The following KYAT1 variants were observed in gnomAD, a reference collection of about 807,000 sequenced individuals.
KYAT1 encodes kynurenine--oxoglutarate transaminase 1.
KYAT1 carries 47 observed loss-of-function variants against 52.4 expected under a neutral mutation model. The ratio of observed to expected loss-of-function variants is 0.90; its 90% CI spans 0.71 to 1.14. The LOEUF (loss-of-function observed/expected upper bound fraction) is 1.14. Ranked by LOEUF, KYAT1 falls within the 50% of genes most tolerant of loss-of-function variation. The pLI, the probability that KYAT1 is intolerant of heterozygous loss-of-function variation, is 0.00. For missense variants in KYAT1, 480 were observed against 557.9 expected, an observed-to-expected ratio of 0.86 and a Z score of 1.41; for synonymous variants, 212 against 209.6, an observed-to-expected ratio of 1.01 and a Z score of -0.10.
At chr9:128,861,177 G>T (rs967201661) in intron 1 of KYAT1, among the ~76,000 whole-genome samples, 20 of 152,190 alleles carry the variant, frequency 1.3e-4, no homozygotes, top group Admixed American at 1.2e-3. Flanking sequence ...TCAAATCCAA[G>T]GTGATGGGGT....
chr9:128,878,538 GA>G (rs1230653449), intron 1 of KYAT1, among the ~76,000 whole-genome samples: 3 of 151,572 alleles, frequency 2.0e-5, no homozygotes, highest in Admixed American at 6.6e-5. Context: ...TTTTTTGATA[GA>G]AAAAAAACAG....
chr9:128,864,090 C>T (rs571908206), intron 1 of KYAT1, among the ~76,000 whole-genome samples: 1 of 151,800 alleles, frequency 6.6e-6, no homozygotes, highest in East Asian at 1.9e-4. Flanking sequence ...AGGCCGGGCG[C>T]GGTGGCTCAC....
intron 1 of KYAT1, among the ~76,000 whole-genome samples, chr9:128,868,656 T>C (rs997775731): frequency 2.6e-5 from 4 of 151,930 alleles, no homozygotes; most frequent in African/African-American, 9.7e-5. Flanking sequence ...CCTGCCTCAA[T>C]TTCCTGAGTA....
intron 1 of KYAT1, among the ~76,000 whole-genome samples, chr9:128,864,151 A>G (rs1203116964): frequency 1.3e-5 from 2 of 152,028 alleles, no homozygotes; most frequent in Non-Finnish European, 2.9e-5. Flanking sequence ...TCACAATGTC[A>G]GGAGATCGAG....
chr9:128,864,297 C>T (rs911405571), intron 1 of KYAT1, among the ~76,000 whole-genome samples: 7 of 137,414 alleles, frequency 5.1e-5, no homozygotes, highest in African/African-American at 1.4e-4. Flanking sequence ...ACCCGGGAGG[C>T]GAAGATTGTA....
rs752762440 is a variant in KYAT1 at position 128,833,662 on chromosome 9, G to C, written c.1210-19C>G. 2 of 1,614,038 alleles carry C rather than the reference G, an allele frequency of 1.2e-6. No homozygotes were observed. Among genetic ancestry groups the C allele is most frequent in the African/African-American group, 2.7e-5 (2 of 74,936 alleles). On this transcript the variant is annotated intron_variant, in intron 12 of 12. Coordinates refer to ENST00000302586, the MANE Select transcript of KYAT1 (RefSeq NM_004059.5). ...CTTCATCCTGCGCCAGCACAGATTA[G>C]TCCTACACTCTCCCCATGTGCCCAG...
intron 1 of KYAT1, among the ~76,000 whole-genome samples, chr9:128,864,852 G>A (rs182465090): frequency 3.0e-4 from 45 of 151,780 alleles, no homozygotes; most frequent in Admixed American, 2.9e-3. Flanking sequence ...CAAGTGATCC[G>A]CCTGCCTAGG....
rs551966843 is a variant in KYAT1, at chr9:128,866,253, AC to A, written c.-7+15643del. The stretch of plus-strand genomic sequence containing the variant: ...TATTTGTATAAATCGACAACAAAAG[AC>A]CAGCATCTCAATAAGAAAAAGTGTG... On this transcript the variant is annotated intron_variant, in intron 1 of 12. Transcript: ENST00000302586. Among the ~76,000 whole-genome samples the A allele has an allele frequency of 5.3e-5, 8 of 152,296 alleles. No individual in the cohort carries two copies. The South Asian group carries it at 1.7e-3, about 32-fold the overall frequency.
intron 1 of KYAT1, among the ~76,000 whole-genome samples, chr9:128,861,201 C>T: frequency 6.6e-6 from 1 of 152,316 alleles, no homozygotes; most frequent in African/African-American, 2.4e-5. Flanking sequence ...GCTGTGTCCC[C>T]ACCCAAATCT....
chr9:128,879,991 G>C (rs971047895), intron 1 of KYAT1, among the ~76,000 whole-genome samples: 5 of 152,130 alleles, frequency 3.3e-5, no homozygotes, highest in Admixed American at 1.3e-4. Context: ...GCCTTCCTAG[G>C]GAGGGAGGGA....
chr9:128,867,283 C>T (rs1339732197), intron 1 of KYAT1, among the ~76,000 whole-genome samples: 1 of 152,144 alleles, frequency 6.6e-6, no homozygotes, highest in African/African-American at 2.4e-5. Context: ...GGGCTCAAGC[C>T]ATCCTCCCAC....
At chr9:128,835,148 A>AG in intron 11 of KYAT1, 175 bp downstream of exon 11, 1 of 643,534 alleles carries the variant, frequency 1.6e-6, no homozygotes, top group Admixed American at 2.7e-5. Flanking sequence ...CAAAAAAAAA[A>AG]AAGAAAGAAA....
chr9:128,845,642 A>G (rs2259043), intron 1 of KYAT1: 345,144 of 536,428 alleles, frequency 0.64, 118,930 homozygotes, highest in Non-Finnish European at 0.71. Flanking sequence ...CACCTCCCCA[A>G]CCTGCAGGGG....
At chr9:128,840,052 A>G (rs1831865288) in intron 3 of KYAT1, among the ~76,000 whole-genome samples, 2 of 152,108 alleles carry the variant, frequency 1.3e-5, no homozygotes, top group African/African-American at 4.8e-5. Context: ...TGTCTTAGAC[A>G]ATAAATTAAT....
At chr9:128,879,252 G>A (rs142736135) in intron 1 of KYAT1, among the ~76,000 whole-genome samples, 8,395 of 152,118 alleles carry the variant, frequency 0.055, 279 homozygotes, top group African/African-American at 0.095. Context: ...GGAGCTTGCA[G>A]TGAGCCGAGA....
chr9:128,842,103 G>A, intron 3 of KYAT1: 2 of 357,054 alleles, frequency 5.6e-6, no homozygotes, highest in Non-Finnish European at 1.2e-5. Context: ...GAGGTGGGAG[G>A]ACCACTTGAG....
At chr9:128,841,602 A>G (rs916763843) in intron 3 of KYAT1, among the ~76,000 whole-genome samples, 2 of 149,326 alleles carry the variant, frequency 1.3e-5, no homozygotes, top group Admixed American at 6.8e-5. Flanking sequence ...AGGCTGAGGC[A>G]GGAGAATCTC....
At chr9:128,875,101 C>T (rs970588658) in intron 1 of KYAT1, among the ~76,000 whole-genome samples, 20 of 152,050 alleles carry the variant, frequency 1.3e-4, no homozygotes, top group African/African-American at 4.6e-4. Context: ...GAACCACTTT[C>T]CTCATTTATG....
At position 128,860,999 on chromosome 9, in the gene KYAT1, T is replaced by C. The variant is rs1835392631; in HGVS notation, c.-6-15588A>G. 1.3e-5 allele frequency among the ~76,000 whole-genome samples: 2 copies of C among 152,246 alleles called. 1 individual carries two copies. Among genetic ancestry groups the C allele is most frequent in the South Asian group, 4.1e-4 (2 of 4,832 alleles). ...AATAATAATGATAAAGTTTGAACTA[T>C]TGTGGGAATTACACACAGACCCTAA... On this transcript the variant is annotated intron_variant, in intron 1 of 12. Coordinates refer to ENST00000302586, the MANE Select transcript of KYAT1 (RefSeq NM_004059.5).
Sources: gnomAD v4.1 joint callset for allele counts (sites outside exome capture counted in the v4.1 genomes callset) on GRCh38, gnomAD v4.1.1 for gene constraint, MANE v1.5 for transcripts, NCBI Gene and HGNC (gene_info 2026-07-23, HGNC 2026-07-21) for gene names.